The following RAP1GDS1 variants were observed in gnomAD, a reference collection of about 807,000 sequenced individuals.
RAP1GDS1 encodes the protein RAP1, GTP-GDP dissociation stimulator 1.
A neutral mutation model predicts 71.1 loss-of-function variants in RAP1GDS1; 35 were observed. The ratio of observed to expected loss-of-function variants is 0.49; its 90% CI spans 0.38 to 0.65. RAP1GDS1 has a LOEUF of 0.65. Among genes scored for constraint, RAP1GDS1 ranks in the 30% least tolerant of loss-of-function variants. The pLI is 0.00. For synonymous variants in RAP1GDS1, 229 were observed against 243.1 expected (o/e 0.94, Z 0.54); for missense variants, 663 against 706.1 (o/e 0.94, Z 0.69).
At chr4:98,326,733 C>T (rs1452047598) in intron 2 of RAP1GDS1, among the ~76,000 whole-genome samples, 1 of 152,120 alleles carries the variant, frequency 6.6e-6, no homozygotes, top group African/African-American at 2.4e-5. Context: ...TGAGATGACC[C>T]TCAGCTCCAC....
At chr4:98,294,989 TGC>T (rs1727523772) in intron 2 of RAP1GDS1, among the ~76,000 whole-genome samples, 1 of 152,088 alleles carries the variant, frequency 6.6e-6, no homozygotes, top group African/African-American at 2.4e-5. Flanking sequence ...ATAGACCATT[TGC>T]TTTAGATACT....
At chr4:98,297,615 T>C (rs904617788) in intron 2 of RAP1GDS1, among the ~76,000 whole-genome samples, 1 of 152,180 alleles carries the variant, frequency 6.6e-6, no homozygotes, top group Non-Finnish European at 1.5e-5. Context: ...ATGGTAAACT[T>C]AATTGATAAA....
chr4:98,330,685 C>A (rs1360360641), intron 2 of RAP1GDS1, among the ~76,000 whole-genome samples: 2 of 148,678 alleles, frequency 1.3e-5, no homozygotes, highest in African/African-American at 2.5e-5. Flanking sequence ...AGAGGCGCTC[C>A]TCACTTCCCA....
chr4:98,267,864 G>C (rs952357970), intron 1 of RAP1GDS1, among the ~76,000 whole-genome samples: 1 of 152,164 alleles, frequency 6.6e-6, no homozygotes, highest in Non-Finnish European at 1.5e-5. Context: ...AATATACCCA[G>C]TAATGGGATG....
At chr4:98,414,973 A>G (rs890050294) in intron 7 of RAP1GDS1, among the ~76,000 whole-genome samples, 1 of 151,886 alleles carries the variant, frequency 6.6e-6, no homozygotes, top group Admixed American at 6.6e-5. Flanking sequence ...ATTCTCTTTG[A>G]AGCAATTGTG....
intron 2 of RAP1GDS1, among the ~76,000 whole-genome samples, chr4:98,312,625 T>G (rs142135338): frequency 7.9e-5 from 12 of 152,254 alleles, no homozygotes; most frequent in African/African-American, 2.9e-4. Flanking sequence ...GATCCTCTTT[T>G]CTAGGAGCAG....
intron 2 of RAP1GDS1, among the ~76,000 whole-genome samples, chr4:98,313,230 T>A (rs946368064): frequency 6.6e-6 from 1 of 152,092 alleles, no homozygotes; most frequent in African/African-American, 2.4e-5. Flanking sequence ...TTCTTCTTAT[T>A]TGGGTAAGGT....
chr4:98,299,294 A>G (rs1303194735), intron 2 of RAP1GDS1, among the ~76,000 whole-genome samples: 1 of 152,134 alleles, frequency 6.6e-6, no homozygotes, highest in Non-Finnish European at 1.5e-5. Flanking sequence ...CATTTTCTTT[A>G]TCTAGTCTAT....
At chr4:98,316,399 C>T (rs1730947519) in intron 2 of RAP1GDS1, among the ~76,000 whole-genome samples, 1 of 152,072 alleles carries the variant, frequency 6.6e-6, no homozygotes, top group African/African-American at 2.4e-5. Context: ...GTAGTTCTAC[C>T]TATGATGATA....
At chr4:98,401,123 A>G (rs17027564) in intron 6 of RAP1GDS1, among the ~76,000 whole-genome samples, 22,112 of 152,122 alleles carry the variant, frequency 0.15, 2,368 homozygotes, top group African/African-American at 0.3. Flanking sequence ...TGCTTTCAAG[A>G]AGCAACCAAT....
intron 5 of RAP1GDS1, among the ~76,000 whole-genome samples, chr4:98,386,148 AT>A (rs1317144532): frequency 1.3e-5 from 2 of 151,866 alleles, no homozygotes; most frequent in Admixed American, 1.3e-4. Flanking sequence ...TATCTATAGA[AT>A]TTTTTTGTAG....
chr4:98,361,872 G>T (rs894469331), intron 4 of RAP1GDS1, among the ~76,000 whole-genome samples: 2 of 152,142 alleles, frequency 1.3e-5, no homozygotes, highest in Non-Finnish European at 2.9e-5. Context: ...TGATATGTGT[G>T]CACTTAACAG....
intron 1 of RAP1GDS1, among the ~76,000 whole-genome samples, chr4:98,264,623 TAGC>T (rs974114956): frequency 1.1e-4 from 16 of 152,194 alleles, no homozygotes; most frequent in African/African-American, 1.7e-4. Context: ...TTTATAATCT[TAGC>T]AGGAACAATA....
At chr4:98,272,375 G>A (rs1222530994) in intron 1 of RAP1GDS1, among the ~76,000 whole-genome samples, 1 of 152,180 alleles carries the variant, frequency 6.6e-6, no homozygotes, top group Non-Finnish European at 1.5e-5. Context: ...CCTGCTGGTT[G>A]TGGAAGCATT....
chr4:98,295,059 AG>A (rs1316276254), intron 2 of RAP1GDS1, among the ~76,000 whole-genome samples: 1 of 152,070 alleles, frequency 6.6e-6, no homozygotes. Context: ...TTTGTCTCCT[AG>A]GAAGACTGGA....
chr4:98,319,482 G>A (rs2110336878), intron 2 of RAP1GDS1, among the ~76,000 whole-genome samples: 1 of 151,996 alleles, frequency 6.6e-6, no homozygotes, highest in African/African-American at 2.4e-5. Flanking sequence ...GTTGACTGTT[G>A]GAAAATTGGG....
intron 7 of RAP1GDS1, among the ~76,000 whole-genome samples, chr4:98,406,655 A>G (rs977685051): frequency 6.6e-6 from 1 of 152,062 alleles, no homozygotes; most frequent in African/African-American, 2.4e-5. Flanking sequence ...AATGATTAAG[A>G]CAATTGATTT....
intron 2 of RAP1GDS1, among the ~76,000 whole-genome samples, chr4:98,312,931 A>G (rs2110324125): frequency 6.6e-6 from 1 of 151,590 alleles, no homozygotes; most frequent in African/African-American, 2.4e-5. Flanking sequence ...TAGTCGGGCG[A>G]GGTGGCAGGC....
intron 12 of RAP1GDS1, among the ~76,000 whole-genome samples, chr4:98,431,750 A>G (rs921650010): frequency 5.3e-5 from 8 of 152,170 alleles, no homozygotes; most frequent in African/African-American, 1.9e-4. Flanking sequence ...TCTATAAGCT[A>G]CTCAGTACAA....
Sources: allele counts gnomAD v4.1 joint callset (sites outside exome capture counted in the v4.1 genomes callset), GRCh38; gene constraint gnomAD v4.1.1; transcripts MANE v1.5; gene names NCBI Gene and HGNC (gene_info 2026-07-23, HGNC 2026-07-21).